The following DTL variants were observed in gnomAD, a reference collection of about 807,000 sequenced individuals.
The protein encoded by DTL is denticleless E3 ubiquitin protein ligase adapter.
Under a neutral mutation model 87.0 loss-of-function variants are expected in DTL, and 46 were observed. The ratio of observed to expected loss-of-function variants is 0.53; its 90% CI spans 0.42 to 0.68. The LOEUF (loss-of-function observed/expected upper bound fraction) is 0.68. Among genes scored for constraint, DTL ranks in the 30% least tolerant of loss-of-function variants. DTL has a pLI of 0.00. For missense variants in DTL, 737 were observed against 869.4 expected, an observed-to-expected ratio of 0.85 and a Z score of 1.91; for synonymous variants, 308 against 311.2, an observed-to-expected ratio of 0.99 and a Z score of 0.11.
chr1:212,084,119 T>G (rs1456027231), intron 13 of DTL, among the ~76,000 whole-genome samples: 2 of 152,200 alleles, frequency 1.3e-5, no homozygotes, highest in Non-Finnish European at 1.5e-5. Context: ...GAGGAGTCTT[T>G]TGCTCTAAGT....
intron 13 of DTL, among the ~76,000 whole-genome samples, chr1:212,092,640 A>C (rs1655319660): frequency 6.6e-6 from 1 of 152,212 alleles, no homozygotes; most frequent in Non-Finnish European, 1.5e-5. Context: ...ATATATATAC[A>C]CCACGTTTTC....
intron 5 of DTL, among the ~76,000 whole-genome samples, chr1:212,049,320 G>C (rs893591990): frequency 6.6e-6 from 1 of 152,132 alleles, no homozygotes; most frequent in African/African-American, 2.4e-5. Flanking sequence ...TCTTATTTCT[G>C]CATAACTTTA....
At chr1:212,078,551 A>G (rs986181176) in intron 12 of DTL, among the ~76,000 whole-genome samples, 6 of 152,198 alleles carry the variant, frequency 3.9e-5, no homozygotes, top group Non-Finnish European at 7.3e-5. Context: ...ATTTTCTATT[A>G]AAATCTAAGA....
At chr1:212,077,794 G>A (rs940670585) in intron 11 of DTL, 1 of 161,892 alleles carries the variant, frequency 6.2e-6, no homozygotes. Flanking sequence ...CTGAGTTGTC[G>A]AGTTGACTAC....
At chr1:212,055,541 C>A (rs1056991822) in intron 5 of DTL, among the ~76,000 whole-genome samples, 4 of 152,160 alleles carry the variant, frequency 2.6e-5, no homozygotes, top group Non-Finnish European at 5.9e-5. Context: ...GGCAGCTGCA[C>A]ATTTTCACAC....
intron 13 of DTL, among the ~76,000 whole-genome samples, chr1:212,096,261 C>T (rs934613063): frequency 1.3e-5 from 2 of 152,076 alleles, no homozygotes; most frequent in African/African-American, 4.8e-5. Context: ...CTTCTCTCTT[C>T]TTTTCTTGGT....
At chr1:212,101,696 CTATT>C (rs1260025112) in intron 14 of DTL, among the ~76,000 whole-genome samples, 1 of 152,174 alleles carries the variant, frequency 6.6e-6, no homozygotes, top group East Asian at 1.9e-4. Flanking sequence ...ACACCTATAT[CTATT>C]CTTTTTAACA....
intron 14 of DTL, among the ~76,000 whole-genome samples, chr1:212,102,171 T>TAC (rs1370886180): frequency 6.6e-6 from 1 of 152,220 alleles, no homozygotes. Context: ...GACAACTTAG[T>TAC]ACACAAACTG....
intron 5 of DTL, among the ~76,000 whole-genome samples, chr1:212,053,811 T>C (rs1243652033): frequency 6.6e-6 from 1 of 152,136 alleles, no homozygotes; most frequent in African/African-American, 2.4e-5. Context: ...AGTGTACGTT[T>C]CTTTAACTCA....
chr1:212,095,472 A>G (rs1470328604), intron 13 of DTL, among the ~76,000 whole-genome samples: 1 of 152,120 alleles, frequency 6.6e-6, no homozygotes, highest in Non-Finnish European at 1.5e-5. Flanking sequence ...CTCCTGCCTC[A>G]GCCTCCCAAG....
At chr1:212,047,596 C>T (rs1667844200) in intron 5 of DTL, among the ~76,000 whole-genome samples, 179 bp downstream of exon 5, 1 of 152,020 alleles carries the variant, frequency 6.6e-6, no homozygotes, top group Non-Finnish European at 1.5e-5. Flanking sequence ...GCAGTGGCGC[C>T]ATCTCGGCTC....
chr1:212,085,976 A>G (rs959771384), intron 13 of DTL, among the ~76,000 whole-genome samples: 10 of 152,202 alleles, frequency 6.6e-5, no homozygotes, highest in Admixed American at 2.6e-4. Flanking sequence ...TCTCAATTCC[A>G]TTGATCTATG....
At chr1:212,045,742 G>A (rs1424943701) in intron 3 of DTL, among the ~76,000 whole-genome samples, 1 of 152,174 alleles carries the variant, frequency 6.6e-6, no homozygotes, top group Non-Finnish European at 1.5e-5. Flanking sequence ...CAAAGGTCTA[G>A]AGATAGAAAA....
rs767326503 is a variant in DTL at position 212,100,863 on chromosome 1, A to G, written c.1873A>G (p.Ile625Val). Residue 625 changes from isoleucine to valine, a missense_variant, in exon 14 of 15, where the codon ATC becomes GTC. Physicochemically the swap from Ile to Val is conservative, Grantham distance 29. Coordinates refer to ENST00000366991, the MANE Select transcript of DTL (RefSeq NM_016448.4). ...GTSISEPPSP[I>V]SPYASESCGT... ...CAGTATCTCAGAGCCTCCGTCTCCT[A>G]TCAGTCCGTATGCTTCAGAAAGCTG... is the stretch of plus-strand genomic sequence containing the variant. 1 of 1,614,186 alleles carries G rather than the reference A, an allele frequency of 6.2e-7. No homozygotes were observed. The highest frequency in any genetic ancestry group is 1.1e-5 in the South Asian group (1 of 91,086).
intron 13 of DTL, among the ~76,000 whole-genome samples, chr1:212,089,834 A>G (rs750415530): frequency 6.6e-6 from 1 of 152,116 alleles, no homozygotes; most frequent in Non-Finnish European, 1.5e-5. Flanking sequence ...AAACCTAGAT[A>G]CCTGGTTTGT....
At chr1:212,088,264 T>C (rs1655186292) in intron 13 of DTL, among the ~76,000 whole-genome samples, 1 of 152,216 alleles carries the variant, frequency 6.6e-6, no homozygotes, top group South Asian at 2.1e-4. Context: ...TGCTGCAGTC[T>C]CACAAGTCAG....
intron 1 of DTL, among the ~76,000 whole-genome samples, chr1:212,037,573 G>T (rs1172383872): frequency 6.6e-6 from 1 of 152,154 alleles, no homozygotes; most frequent in Non-Finnish European, 1.5e-5. Flanking sequence ...ATATAAATAA[G>T]AATTGTTTCA....
chr1:212,061,658 A>G (rs1009861393), intron 5 of DTL, among the ~76,000 whole-genome samples: 3 of 152,222 alleles, frequency 2.0e-5, no homozygotes, highest in Admixed American at 1.3e-4. Flanking sequence ...ATTAACGAAC[A>G]AATAGAGTTT....
chr1:212,093,184 T>C (rs2102581059), intron 13 of DTL, among the ~76,000 whole-genome samples: 1 of 152,282 alleles, frequency 6.6e-6, no homozygotes, highest in South Asian at 2.1e-4. Context: ...CCTTCTTCAA[T>C]GCCCCGGTGC....
Sources: allele counts gnomAD v4.1 joint callset (sites outside exome capture counted in the v4.1 genomes callset), GRCh38; gene constraint gnomAD v4.1.1; transcripts MANE v1.5; gene names NCBI Gene and HGNC (gene_info 2026-07-23, HGNC 2026-07-21).